Variants in ATP6V0A4 observed in about 807,000 individuals in gnomAD.
ATP6V0A4 encodes the protein V-type proton ATPase 116 kDa subunit a 4.
Under a neutral mutation model 107.3 loss-of-function variants are expected in ATP6V0A4, and 86 were observed. The ratio of observed to expected loss-of-function variants is 0.80; its 90% CI spans 0.67 to 0.96. ATP6V0A4 has a LOEUF of 0.96. Ranked by LOEUF, ATP6V0A4 falls within the 40% of genes least tolerant of loss-of-function variation. The pLI, the probability that ATP6V0A4 is intolerant of heterozygous loss-of-function variation, is 0.00. For synonymous variants in ATP6V0A4, 353 were observed against 381.4 expected, an observed-to-expected ratio of 0.93 and a Z score of 0.87; for missense variants, 908 against 1,045.6, an observed-to-expected ratio of 0.87 and a Z score of 1.81.
chr7:138,740,850 G>T (rs1272368270), intron 14 of ATP6V0A4, among the ~76,000 whole-genome samples: 1 of 151,626 alleles, frequency 6.6e-6, no homozygotes, highest in East Asian at 2.0e-4. Flanking sequence ...CATTTGAAAT[G>T]ATGAGGAACA....
rs764717102 is a variant in ATP6V0A4, at chr7:138,734,251, A to T, written c.1576T>A (p.Trp526Arg). ...NPYPFGIDPIWNLASNKLTFL... is the reference protein window; with the variant it reads ...NPYPFGIDPIRNLASNKLTFL... ...GTGAGTTTGTTTGAAGCCAAGTTCC[A>T]AATCTGGATGGGAAATGGGACAAAA... The change falls in exon 16 of 22, where the codon TGG becomes AGG. Residue 526 changes from tryptophan (W) to arginine (R), a missense_variant. Trp to Arg is a moderately radical substitution (Grantham distance 101). Coordinates refer to ENST00000310018, the MANE Select transcript of ATP6V0A4 (RefSeq NM_020632.3). 21 of 1,613,390 alleles carry T rather than the reference A, an allele frequency of 1.3e-5. No homozygotes were observed. Among genetic ancestry groups the T allele is most frequent in the Non-Finnish European group, 1.8e-5 (21 of 1,179,552 alleles).
intron 18 of ATP6V0A4, among the ~76,000 whole-genome samples, chr7:138,722,754 A>AC (rs1355106676): frequency 1.4e-5 from 2 of 147,214 alleles, no homozygotes; most frequent in African/African-American, 5.0e-5. Context: ...CAAAAAAAAA[A>AC]AAAAAAAAAA....
intron 14 of ATP6V0A4, among the ~76,000 whole-genome samples, chr7:138,743,617 C>T (rs1377087762): frequency 6.6e-6 from 1 of 152,178 alleles, no homozygotes; most frequent in Admixed American, 6.5e-5. Flanking sequence ...CGTGAAGTCC[C>T]TTCCTTGGGA....
chr7:138,729,518 G>A (rs1025357224), intron 17 of ATP6V0A4, among the ~76,000 whole-genome samples: 4 of 152,040 alleles, frequency 2.6e-5, no homozygotes, highest in African/African-American at 9.7e-5. Flanking sequence ...AGGCAGCTGC[G>A]GTCTTCAGGC....
chr7:138,754,704 C>T (rs1056401937), intron 10 of ATP6V0A4, among the ~76,000 whole-genome samples: 8 of 151,940 alleles, frequency 5.3e-5, no homozygotes, highest in Admixed American at 1.3e-4. Flanking sequence ...CTCCCTGAAA[C>T]CTTTGCCTCT....
intron 1 of ATP6V0A4, among the ~76,000 whole-genome samples, chr7:138,791,075 C>T (rs138707848): frequency 2.0e-3 from 298 of 151,714 alleles, no homozygotes; most frequent in African/African-American, 6.9e-3. Context: ...TTATCAGACA[C>T]GGATTTTAAA....
intron 2 of ATP6V0A4, among the ~76,000 whole-genome samples, chr7:138,783,487 A>T (rs1808012158): frequency 6.6e-6 from 1 of 152,144 alleles, no homozygotes; most frequent in Non-Finnish European, 1.5e-5. Context: ...TCACTTTAGG[A>T]GGCTGAAGCA....
chr7:138,714,281 G>A (rs1008374016), intron 20 of ATP6V0A4, among the ~76,000 whole-genome samples: 14 of 149,344 alleles, frequency 9.4e-5, no homozygotes, highest in African/African-American at 3.2e-4. Context: ...CATATGAAAC[G>A]GATGGGTCTG....
Position 138,752,782 on chromosome 7 carries a change from T to C in ATP6V0A4, c.872A>G (p.Asn291Ser), listed in dbSNP as rs761020690. 7.4e-6 allele frequency: 12 copies of C among 1,614,080 alleles called. No individual in the cohort carries two copies. The highest frequency in any genetic ancestry group is 3.3e-5 in the Admixed American group (2 of 60,004). ...RQRLLQEAAA[N>S]WHSWLIKVQK... ...CACCTTGATGAGCCAGGAGTGCCAG[T>C]TGGCAGCGGCTTCCTGCAGCAGGCG... is the stretch of plus-strand genomic sequence containing the variant. Residue 291 changes from asparagine to serine, a missense_variant, in exon 11 of 22, where the codon AAC becomes AGC. By Grantham distance (46) the Asn-to-Ser change is conservative (BLOSUM62 1). Coordinates refer to ENST00000310018, the MANE Select transcript of ATP6V0A4 (RefSeq NM_020632.3).
chr7:138,778,710 C>T (rs79243995), intron 2 of ATP6V0A4, among the ~76,000 whole-genome samples: 1 of 151,910 alleles, frequency 6.6e-6, no homozygotes, highest in Admixed American at 6.6e-5. Flanking sequence ...ATGGCCCTGC[C>T]CCCCACCCCA....
intron 2 of ATP6V0A4, among the ~76,000 whole-genome samples, chr7:138,782,415 C>A (rs1392319717): frequency 1.3e-5 from 2 of 152,174 alleles, no homozygotes; most frequent in African/African-American, 2.4e-5. Flanking sequence ...CGGCAAAGAC[C>A]CTGTTTCCAA....
rs1030375873 is a variant in ATP6V0A4 at position 138,756,604 on chromosome 7, G to C, written c.640-64C>G. ...TTCTTTCTGGTTAAAACATAATAGA[G>C]AGAAATGTAAAGTCCTGTTTTTAGG... On this transcript the variant is annotated intron_variant, in intron 8 of 21. Transcript: ENST00000310018. The C allele has an allele frequency of 2.5e-6, 4 of 1,569,614 alleles. No homozygotes were observed. In the African/African-American group the frequency reaches 4.1e-5, roughly 16 times the overall value.
chr7:138,723,485 A>G (rs370714021), intron 18 of ATP6V0A4, among the ~76,000 whole-genome samples: 212 of 151,664 alleles, frequency 1.4e-3, no homozygotes, highest in Middle Eastern at 3.4e-3. Flanking sequence ...GGGGTATTGC[A>G]AATTAGGCAT....
At chr7:138,795,401 TC>T (rs1253374504) in intron 1 of ATP6V0A4, among the ~76,000 whole-genome samples, 1 of 152,180 alleles carries the variant, frequency 6.6e-6, no homozygotes, top group Non-Finnish European at 1.5e-5. Flanking sequence ...TAGGATGGTC[TC>T]AGCTTAGGCT....
intron 18 of ATP6V0A4, among the ~76,000 whole-genome samples, chr7:138,727,734 G>A (rs901320964): frequency 5.9e-5 from 9 of 152,242 alleles, no homozygotes; most frequent in South Asian, 2.1e-4. Context: ...AGCACATTCC[G>A]CTTAATCTTT....
intron 14 of ATP6V0A4, among the ~76,000 whole-genome samples, chr7:138,743,772 T>C (rs1805761161): frequency 6.6e-6 from 1 of 152,280 alleles, no homozygotes; most frequent in African/African-American, 2.4e-5. Context: ...CAGAGACAGA[T>C]GTTAGGAAAC....
intron 6 of ATP6V0A4, 142 bp downstream of exon 6, chr7:138,762,758 A>C: frequency 9.5e-7 from 1 of 1,057,362 alleles, no homozygotes; most frequent in Non-Finnish European, 1.5e-6. Flanking sequence ...TCCACCCAAA[A>C]TACTCCCCCG....
chr7:138,759,600 C>A, intron 8 of ATP6V0A4, 152 bp downstream of exon 8: 1 of 853,774 alleles, frequency 1.2e-6, no homozygotes, highest in Non-Finnish European at 1.8e-6. Context: ...TAAAAAGGAA[C>A]AAAGTAAAAG....
intron 10 of ATP6V0A4, among the ~76,000 whole-genome samples, chr7:138,753,326 C>T (rs536468141): frequency 1.7e-3 from 256 of 152,280 alleles, no homozygotes; most frequent in Non-Finnish European, 2.9e-3. Flanking sequence ...GAGGACGGCC[C>T]GCAGCACCAG....
Sources: allele counts gnomAD v4.1 joint callset (sites outside exome capture counted in the v4.1 genomes callset), GRCh38; gene constraint gnomAD v4.1.1; transcripts MANE v1.5; gene names NCBI Gene and HGNC (gene_info 2026-07-23, HGNC 2026-07-21).